Variants in ARHGAP42 observed in about 807,000 individuals in gnomAD.
ARHGAP42 encodes the protein Rho GTPase activating protein 42.
ARHGAP42 carries 63 observed loss-of-function variants against 125.0 expected under a neutral mutation model. That is an observed-to-expected ratio of 0.50 (90% CI 0.41 to 0.62). The LOEUF is 0.62. Ranked by LOEUF, ARHGAP42 falls within the 20% of genes least tolerant of loss-of-function variation. The probability of loss-of-function intolerance (pLI) is 0.00; values close to 1 mark genes in which losing one functional copy is unlikely to be tolerated. For synonymous variants in ARHGAP42, 339 were observed against 351.0 expected (o/e 0.97, Z 0.38); for missense variants, 766 against 1,024.2 (o/e 0.75, Z 3.44).
intron 3 of ARHGAP42, among the ~76,000 whole-genome samples, chr11:100,806,928 A>G (rs946682657): frequency 6.6e-6 from 1 of 151,368 alleles, no homozygotes; most frequent in African/African-American, 2.4e-5. Flanking sequence ...GCTCACTGCA[A>G]CCTCTGCCTT....
chr11:100,858,088 T>TGG (rs1565244926), intron 3 of ARHGAP42, among the ~76,000 whole-genome samples: 4 of 102,848 alleles, frequency 3.9e-5, no homozygotes, highest in Non-Finnish European at 8.2e-5. Flanking sequence ...TGGATAGGGG[T>TGG]GTGTGTGTGT....
rs1185781642 is a variant in ARHGAP42, at chr11:100,718,328, T to C, written c.154+30496T>C. Among the ~76,000 whole-genome samples, 4 of 152,230 alleles carry C rather than the reference T, an allele frequency of 2.6e-5. No homozygotes were observed. In the South Asian group the frequency reaches 8.3e-4, roughly 32 times the overall value. On this transcript the variant is annotated intron_variant, in intron 1 of 23. Coordinates refer to ENST00000298815, the MANE Select transcript of ARHGAP42 (RefSeq NM_152432.4). ...CATAGCCACTGGATCTAGCATCTGATACTAAGGTCAAGAAAGAATTTATTT... is the reference window on the plus strand; with the variant it reads ...CATAGCCACTGGATCTAGCATCTGACACTAAGGTCAAGAAAGAATTTATTT...
Position 100,687,745 on chromosome 11 carries a change from C to G in ARHGAP42, c.67C>G (p.Gln23Glu). 6.4e-7 allele frequency: 1 copy of G among 1,550,604 alleles called. No individual in the cohort carries two copies. Among genetic ancestry groups the G allele is most frequent in the African/African-American group, 1.4e-5 (1 of 73,140 alleles). Residue 23 changes from glutamine (Q) to glutamate (E), a missense_variant, in exon 1 of 24, where the codon CAG becomes GAG. Coordinates refer to ENST00000298815, the MANE Select transcript of ARHGAP42 (RefSeq NM_152432.4). ...LDSPDFRERL[Q>E]CHEIELERTN... The stretch of plus-strand genomic sequence containing the variant: ...CAGCCCAGATTTCAGGGAGCGCTTG[C>G]AGTGTCACGAGATTGAGCTGGAGCG...
chr11:100,805,041 G>C (rs1208002656), intron 3 of ARHGAP42, among the ~76,000 whole-genome samples: 1 of 152,178 alleles, frequency 6.6e-6, no homozygotes, highest in East Asian at 1.9e-4. Flanking sequence ...AGCATTCCAA[G>C]GTGCAAGGCA....
chr11:100,717,761 A>T (rs1199594129), intron 1 of ARHGAP42, among the ~76,000 whole-genome samples: 4 of 151,308 alleles, frequency 2.6e-5, no homozygotes, highest in East Asian at 2.0e-4. Context: ...CCCTGCCTGT[A>T]CTGTAAATAC....
chr11:100,705,033 AG>A (rs374355210), intron 1 of ARHGAP42, among the ~76,000 whole-genome samples: 31,535 of 129,762 alleles, frequency 0.24, 3,745 homozygotes, highest in Non-Finnish European at 0.25. Flanking sequence ...AAAAAAAAAA[AG>A]AGAGAAGAAA....
chr11:100,962,391 T>A lies in ARHGAP42; in HGVS notation c.1386-18T>A. Reference sequence around the variant, plus strand: ...AAGATTCTACTATTCTAACATGTGTTTCCTTTCTCTGTTGTAGGTGCCTTG... The same window carrying A: ...AAGATTCTACTATTCTAACATGTGTATCCTTTCTCTGTTGTAGGTGCCTTG... On this transcript the variant is annotated intron_variant, in intron 15 of 23. Coordinates refer to ENST00000298815, the MANE Select transcript of ARHGAP42 (RefSeq NM_152432.4). 6.5e-7 allele frequency: 1 copy of A among 1,547,506 alleles called. No individual in the cohort carries two copies. The highest frequency in any genetic ancestry group is 1.2e-5 in the South Asian group (1 of 83,896).
intron 17 of ARHGAP42, among the ~76,000 whole-genome samples, chr11:100,972,452 C>T (rs1858273112): frequency 1.3e-5 from 2 of 152,122 alleles, no homozygotes; most frequent in Non-Finnish European, 2.9e-5. Flanking sequence ...GATGCTACCA[C>T]ATCTCCTTGT....
At chr11:100,916,892 T>C (rs1350975522) in intron 5 of ARHGAP42, among the ~76,000 whole-genome samples, 1 of 152,152 alleles carries the variant, frequency 6.6e-6, no homozygotes, top group Admixed American at 6.6e-5. Flanking sequence ...GAGTGTGATA[T>C]GTTAAAAGTT....
At chr11:100,975,787 A>T (rs1434416914) in intron 19 of ARHGAP42, among the ~76,000 whole-genome samples, 1 of 152,190 alleles carries the variant, frequency 6.6e-6, no homozygotes, top group Non-Finnish European at 1.5e-5. Context: ...TCAAGAAGTA[A>T]AGTTATTATC....
In ARHGAP42 at chr11:100,992,659, A is replaced by G; in HGVS notation, c.*3858A>G. The G allele has an allele frequency of 2.5e-6, 4 of 1,609,518 alleles. No individual in the cohort carries two copies. Among genetic ancestry groups the G allele is most frequent in the Non-Finnish European group, 3.4e-6 (4 of 1,177,708 alleles). On this transcript the variant is annotated 3_prime_UTR_variant, in exon 24 of 24. Transcript: ENST00000298815. ...CCCTGCTTCAAAATGTGCCAGTTCC[A>G]CTTGGTAATAACGTTGGGAAAATGC...
intron 19 of ARHGAP42, among the ~76,000 whole-genome samples, chr11:100,975,740 C>T (rs893696696): frequency 2.6e-5 from 4 of 152,118 alleles, no homozygotes; most frequent in Non-Finnish European, 4.4e-5. Flanking sequence ...GTTTCATAAA[C>T]AAATTTTGTG....
intron 6 of ARHGAP42, among the ~76,000 whole-genome samples, chr11:100,932,596 A>T (rs1036405608): frequency 3.3e-5 from 5 of 152,216 alleles, no homozygotes; most frequent in Non-Finnish European, 5.9e-5. Context: ...TGTGTTATCT[A>T]GTTCAATGAT....
chr11:100,945,777 G>C (rs993328403), intron 10 of ARHGAP42, among the ~76,000 whole-genome samples: 2 of 152,038 alleles, frequency 1.3e-5, no homozygotes, highest in African/African-American at 4.8e-5. Context: ...TCCATTTGTA[G>C]AGCACAGGTA....
At chr11:100,859,993 T>C (rs659066) in intron 4 of ARHGAP42, 10,404 of 157,384 alleles carry the variant, frequency 0.066, 1,210 homozygotes, top group African/African-American at 0.23. Flanking sequence ...ATATTCTTTG[T>C]ATTTTTTATA....
intron 1 of ARHGAP42, 178 bp downstream of exon 1, chr11:100,688,010 TACTC>T (rs915562846): frequency 4.7e-5 from 28 of 599,944 alleles, no homozygotes; most frequent in African/African-American, 2.1e-4. Context: ...GTTCTTTACT[TACTC>T]ACATGTCTAC....
chr11:100,846,514 A>AC (rs1185336911), intron 3 of ARHGAP42, among the ~76,000 whole-genome samples: 1 of 151,882 alleles, frequency 6.6e-6, no homozygotes, highest in Non-Finnish European at 1.5e-5. Context: ...CTCCTACCCT[A>AC]CCCCCACTTC....
chr11:100,951,251 AAAAACTATT>A (rs1857640281), intron 12 of ARHGAP42, among the ~76,000 whole-genome samples: 1 of 152,084 alleles, frequency 6.6e-6, no homozygotes, highest in Non-Finnish European at 1.5e-5. Context: ...TAATATTTTA[AAAAACTATT>A]TCCAGTTTTT....
At position 100,912,605 on chromosome 11, in the gene ARHGAP42, G is replaced by A. The variant is rs145719523; in HGVS notation, c.385-847G>A. 4.1e-3 allele frequency among the ~76,000 whole-genome samples: 622 copies of A among 152,238 alleles called. 4 individuals are homozygous for A. The highest frequency in any genetic ancestry group is 0.014 in the African/African-American group (587 of 41,552). ...TTCATATGGACTTATAAATGGAAAAGACATATCTGGTGGATACAACATTTA... is the reference window on the plus strand; with the variant it reads ...TTCATATGGACTTATAAATGGAAAAAACATATCTGGTGGATACAACATTTA... On this transcript the variant is annotated intron_variant, in intron 4 of 23. Coordinates refer to ENST00000298815, the MANE Select transcript of ARHGAP42 (RefSeq NM_152432.4).
Sources: gnomAD v4.1 joint callset for allele counts (sites outside exome capture counted in the v4.1 genomes callset) on GRCh38, gnomAD v4.1.1 for gene constraint, MANE v1.5 for transcripts, NCBI Gene and HGNC (gene_info 2026-07-23, HGNC 2026-07-21) for gene names.